CCDC149: variants seen among roughly 807,000 people sequenced by gnomAD.
CCDC149 encodes coiled-coil domain-containing protein 149.
CCDC149 carries 45 observed loss-of-function variants against 59.9 expected under a neutral mutation model. The observed-to-expected ratio is 0.75, with a 90% CI of 0.59 to 0.96. The LOEUF is 0.96. Among genes scored for constraint, CCDC149 ranks in the 40% least tolerant of loss-of-function variants. The pLI, the probability that CCDC149 is intolerant of heterozygous loss-of-function variation, is 0.00. For missense variants in CCDC149, 584 were observed against 664.7 expected (o/e 0.88, Z 1.33); for synonymous variants, 245 against 260.6 (o/e 0.94, Z 0.58).
intron 3 of CCDC149, among the ~76,000 whole-genome samples, chr4:24,858,403 CT>C (rs1577417822): frequency 6.6e-6 from 1 of 152,160 alleles, no homozygotes; most frequent in East Asian, 1.9e-4. Context: ...AAAGAAGCCT[CT>C]TTTAAATATT....
intron 1 of CCDC149, among the ~76,000 whole-genome samples, chr4:24,921,677 C>T (rs1686323955): frequency 6.6e-6 from 1 of 152,252 alleles, no homozygotes; most frequent in Non-Finnish European, 1.5e-5. Flanking sequence ...GTGGGAATGG[C>T]AGCCTCTGGC....
intron 1 of CCDC149, among the ~76,000 whole-genome samples, chr4:24,945,658 A>G (rs1033941504): frequency 4.2e-5 from 6 of 142,976 alleles, no homozygotes; most frequent in Admixed American, 2.1e-4. Flanking sequence ...GTCTTGTTCT[A>G]TCAGCCAGGC....
chr4:24,889,949 T>C (rs1372991595), intron 1 of CCDC149, among the ~76,000 whole-genome samples: 1 of 152,218 alleles, frequency 6.6e-6, no homozygotes, highest in African/African-American at 2.4e-5. Flanking sequence ...AGGGGACCTG[T>C]AATCGTGCTT....
At chr4:24,855,223 T>C (rs919856609) in intron 3 of CCDC149, among the ~76,000 whole-genome samples, 1 of 151,740 alleles carries the variant, frequency 6.6e-6, no homozygotes, top group Non-Finnish European at 1.5e-5. Context: ...ATAATAAGAG[T>C]GTACCAAGAC....
At chr4:24,830,050 C>T (rs939540974) in intron 9 of CCDC149, 15 of 152,876 alleles carry the variant, frequency 9.8e-5, no homozygotes, top group African/African-American at 3.6e-4. Context: ...CATGGACCAA[C>T]AAGATGGCAG....
intron 1 of CCDC149, among the ~76,000 whole-genome samples, chr4:24,969,275 T>A (rs1045737546): frequency 6.6e-6 from 1 of 152,214 alleles, no homozygotes; most frequent in African/African-American, 2.4e-5. Context: ...CAAGGGTATA[T>A]GCATGCGCTA....
At chr4:24,809,730 C>G (rs1714474148) in intron 12 of CCDC149, among the ~76,000 whole-genome samples, 1 of 152,238 alleles carries the variant, frequency 6.6e-6, no homozygotes, top group South Asian at 2.1e-4. Flanking sequence ...AGCCTGGACA[C>G]ATGTCCTGGA....
chr4:24,923,321 T>C (rs1722351172), intron 1 of CCDC149, among the ~76,000 whole-genome samples: 1 of 152,218 alleles, frequency 6.6e-6, no homozygotes, highest in South Asian at 2.1e-4. Context: ...CCTACTATGT[T>C]GAGTTCCTGC....
chr4:24,967,951 A>T (rs1016727834), intron 1 of CCDC149, among the ~76,000 whole-genome samples: 2 of 152,132 alleles, frequency 1.3e-5, no homozygotes, highest in Non-Finnish European at 2.9e-5. Flanking sequence ...AGCAGCTGCA[A>T]ACTTTTTTGG....
At chr4:24,928,924 T>G (rs951398857) in intron 1 of CCDC149, among the ~76,000 whole-genome samples, 1 of 152,134 alleles carries the variant, frequency 6.6e-6, no homozygotes, top group African/African-American at 2.4e-5. Context: ...ACATTTATGG[T>G]CAACTGAAAT....
At chr4:24,820,044 C>T (rs1266004898) in intron 11 of CCDC149, 69 bp from the exon 12 acceptor site, 52 of 1,155,034 alleles carry the variant, frequency 4.5e-5, no homozygotes, top group Middle Eastern at 2.0e-4. Context: ...TAGTCCCACA[C>T]ACTTAATCGG....
At chr4:24,886,459 C>T (rs1457900253) in intron 1 of CCDC149, among the ~76,000 whole-genome samples, 2 of 152,196 alleles carry the variant, frequency 1.3e-5, no homozygotes, top group African/African-American at 2.4e-5. Flanking sequence ...GGAGTCTTTG[C>T]CTGGGCATCT....
upstream of CCDC149, among the ~76,000 whole-genome samples, chr4:24,913,231 C>T (rs1219399487): frequency 6.6e-6 from 1 of 152,132 alleles, no homozygotes; most frequent in East Asian, 1.9e-4. Context: ...CCTCAGCGCT[C>T]TCCGCGCGGG....
chr4:24,952,831 T>C (rs1443914707), intron 1 of CCDC149, among the ~76,000 whole-genome samples: 1 of 151,718 alleles, frequency 6.6e-6, no homozygotes, highest in Non-Finnish European at 1.5e-5. Flanking sequence ...TAACTCACCT[T>C]TCCCCCCATC....
intron 1 of CCDC149, among the ~76,000 whole-genome samples, chr4:24,934,528 CT>C (rs1722679338): frequency 6.6e-6 from 1 of 152,234 alleles, no homozygotes; most frequent in Non-Finnish European, 1.5e-5. Context: ...TCTGCATTCT[CT>C]TGGTCAAAGC....
At chr4:24,896,875 C>T (rs763709550) in intron 1 of CCDC149, among the ~76,000 whole-genome samples, 3 of 152,040 alleles carry the variant, frequency 2.0e-5, no homozygotes, top group South Asian at 2.1e-4. Context: ...AAAAAATCAA[C>T]GTCCTCGTGT....
At chr4:24,859,444 C>A (rs919688339) in intron 3 of CCDC149, among the ~76,000 whole-genome samples, 1 of 152,066 alleles carries the variant, frequency 6.6e-6, no homozygotes, top group East Asian at 1.9e-4. Context: ...AAGGGACATA[C>A]CTTAAGGTAA....
intron 12 of CCDC149, among the ~76,000 whole-genome samples, chr4:24,816,842 C>T (rs1189538960): frequency 6.6e-6 from 1 of 151,966 alleles, no homozygotes; most frequent in African/African-American, 2.4e-5. Flanking sequence ...TGCTAATCAC[C>T]CAAAAACGTG....
chr4:24,895,580 A>T (rs1212188579), intron 1 of CCDC149, among the ~76,000 whole-genome samples: 1 of 152,150 alleles, frequency 6.6e-6, no homozygotes, highest in East Asian at 1.9e-4. Context: ...TCTCTAGATA[A>T]CACCTTCAGT....
Sources: gnomAD v4.1 joint callset for allele counts (sites outside exome capture counted in the v4.1 genomes callset) on GRCh38, gnomAD v4.1.1 for gene constraint, MANE v1.5 for transcripts, NCBI Gene and HGNC (gene_info 2026-07-23, HGNC 2026-07-21) for gene names.